Variants in DNAH7 observed in about 807,000 individuals in gnomAD.
DNAH7 encodes the protein axonemal beta dynein heavy chain 7.
In DNAH7, 397 loss-of-function variants were observed where a neutral mutation model predicts 444.6. The ratio of observed to expected loss-of-function variants is 0.89; its 90% confidence interval spans 0.82 to 0.97. DNAH7 has a LOEUF of 0.97. DNAH7 is among the 50% of genes least tolerant of loss of function. DNAH7 has a pLI of 0.00. For missense variants in DNAH7, 4,902 were observed against 4,800.8 expected (o/e 1.02, Z -0.62); for synonymous variants, 1,636 against 1,624.4 (o/e 1.01, Z -0.17).
chr2:195,853,675 C>G, intron 45 of DNAH7, 147 bp from the exon 46 acceptor site: 1 of 735,324 alleles, frequency 1.4e-6, no homozygotes, highest in East Asian at 2.8e-5. Flanking sequence ...TAGGAAAGTC[C>G]ATGATATTTT....
At chr2:195,860,738 T>C (rs1320282988) in intron 42 of DNAH7, among the ~76,000 whole-genome samples, 1 of 152,192 alleles carries the variant, frequency 6.6e-6, no homozygotes, top group Non-Finnish European at 1.5e-5. Context: ...CTCATAGTAT[T>C]AATATTTTTA....
At chr2:195,980,974 A>G (rs1464269676) in intron 15 of DNAH7, among the ~76,000 whole-genome samples, 1 of 152,196 alleles carries the variant, frequency 6.6e-6, no homozygotes, top group Non-Finnish European at 1.5e-5. Flanking sequence ...GTGATTCAAC[A>G]TAGTACTAGA....
rs1424553286 is a variant in DNAH7, at chr2:195,934,588, T to C, written c.3471+3A>G. 2 of 1,613,832 alleles carry C rather than the reference T, an allele frequency of 1.2e-6. No individual in the cohort carries two copies. Among genetic ancestry groups the C allele is most frequent in the African/African-American group, 1.3e-5 (1 of 75,050 alleles). ...TCTAAAAATCATCAGTATAATCAGC[T>C]ACCTTGTGGATGGAGTTAATCATAA... On this transcript the variant is annotated splice_donor_region_variant and intron_variant, in intron 21 of 64. Coordinates refer to ENST00000312428, the MANE Select transcript of DNAH7 (RefSeq NM_018897.3).
At chr2:195,897,841 C>A in intron 28 of DNAH7, 76 bp from the exon 29 acceptor site, 1 of 733,006 alleles carries the variant, frequency 1.4e-6, no homozygotes, top group South Asian at 1.9e-5. Flanking sequence ...TTCGCATACA[C>A]ACAAACCTAC....
intron 56 of DNAH7, among the ~76,000 whole-genome samples, chr2:195,795,538 A>C (rs191130683): frequency 1.0e-3 from 159 of 152,344 alleles, no homozygotes; most frequent in African/African-American, 3.8e-3. Context: ...CACCAATAAA[A>C]GTGAAAGAAG....
intron 49 of DNAH7, among the ~76,000 whole-genome samples, chr2:195,820,463 T>TA (rs74404564): frequency 0.018 from 2,490 of 136,868 alleles, 63 homozygotes; most frequent in African/African-American, 0.059. Context: ...AAAGTAAAAT[T>TA]AAAAAAAAAA....
At chr2:195,949,195 A>T (rs966779534) in intron 19 of DNAH7, among the ~76,000 whole-genome samples, 1 of 152,208 alleles carries the variant, frequency 6.6e-6, no homozygotes, top group African/African-American at 2.4e-5. Context: ...TTGGGCTGAG[A>T]CAATGGAGTT....
At chr2:195,841,031 A>C (rs959690795) in intron 47 of DNAH7, among the ~76,000 whole-genome samples, 1 of 151,864 alleles carries the variant, frequency 6.6e-6, no homozygotes, top group African/African-American at 2.4e-5. Flanking sequence ...TTGAGACTTA[A>C]TATGCTTCAA....
Position 195,881,901 on chromosome 2 carries a change from G to A in DNAH7, c.5855C>T (p.Thr1952Ile). The A allele has an allele frequency of 6.2e-7, 1 of 1,613,842 alleles. No individual in the cohort carries two copies. Among genetic ancestry groups the A allele is most frequent in the South Asian group, 1.1e-5 (1 of 91,078 alleles). Residue 1952 changes from threonine (T) to isoleucine (I), a missense_variant, in exon 36 of 65, where the codon ACT (threonine) becomes ATT (isoleucine). Transcript: ENST00000312428. ...DVMFNEIIVP[T>I]LDTIRYSALM... ...TGCAGAGTATCGAATTGTGTCCAGA[G>A]TTGGCACAATGATTTCATTAAACAT... is the stretch of plus-strand genomic sequence containing the variant.
At position 195,911,602 on chromosome 2, in the gene DNAH7, A is replaced by G. The variant is rs116646717; in HGVS notation, c.3936-1407T>C. Among the ~76,000 whole-genome samples the G allele has an allele frequency of 1.5e-3, 233 of 152,286 alleles. 1 individual carries two copies. The highest frequency in any genetic ancestry group is 5.1e-3 in the African/African-American group (212 of 41,578). On this transcript the variant is annotated intron_variant, in intron 24 of 64. Transcript: ENST00000312428. ...ACAATAAAGAGAAATCTTAAAAACT[A>G]TAACAGAGAAAAGAAAATTACCTAC...
Position 195,845,166 on chromosome 2 carries a change from C to T in DNAH7, c.8782-1G>A. Reference sequence around the variant, plus strand: ...AAGTTGTCCACTCTTTAGTTTGATTCTTTAGAACATCCACAGAAAGATAAA... The same window carrying T: ...AAGTTGTCCACTCTTTAGTTTGATTTTTTAGAACATCCACAGAAAGATAAA... On this transcript the variant is annotated splice_acceptor_variant, in intron 46 of 64. Transcript: ENST00000312428. LOFTEE classifies it high-confidence loss of function. The T allele has an allele frequency of 6.2e-7, 1 of 1,602,288 alleles. No individual in the cohort carries two copies. The highest frequency in any genetic ancestry group is 8.5e-7 in the Non-Finnish European group (1 of 1,175,388).
At chr2:195,984,571 G>T in intron 15 of DNAH7, 61 bp downstream of exon 15, 2 of 1,413,232 alleles carry the variant, frequency 1.4e-6, no homozygotes, top group Non-Finnish European at 2.0e-6. Context: ...TTGTTACTCC[G>T]CATTATTGTG....
In DNAH7 at chr2:195,853,529, C is replaced by T; in HGVS notation, c.8596-1G>A. The T allele has an allele frequency of 6.2e-7, 1 of 1,603,992 alleles. No homozygotes were observed. Among genetic ancestry groups the T allele is most frequent in the South Asian group, 1.1e-5 (1 of 89,546 alleles). ...CTAGTTTTTTGCTGCAAAGGTCAAC[C>T]TCGAAAATAAAAGTGAGCTTTTATC... On this transcript the variant is annotated splice_acceptor_variant, in intron 45 of 64. Coordinates refer to ENST00000312428, the MANE Select transcript of DNAH7 (RefSeq NM_018897.3). LOFTEE classifies it high-confidence loss of function.
At chr2:196,068,259 C>T (rs538781246) in intron 1 of DNAH7, 1 of 195,188 alleles carries the variant, frequency 5.1e-6, no homozygotes, top group Non-Finnish European at 1.0e-5. Flanking sequence ...TGATGTTTCC[C>T]CCGCTCTGCA....
intron 63 of DNAH7, among the ~76,000 whole-genome samples, chr2:195,744,611 G>A (rs189069071): frequency 6.6e-6 from 1 of 152,134 alleles, no homozygotes. Flanking sequence ...CCCCCAGTAG[G>A]GGCAGACTGA....
intron 51 of DNAH7, among the ~76,000 whole-genome samples, chr2:195,812,857 A>C (rs1327807244): frequency 6.6e-6 from 1 of 152,222 alleles, no homozygotes; most frequent in Non-Finnish European, 1.5e-5. Flanking sequence ...TTGGCAGAAA[A>C]ACAGATCATT....
chr2:195,936,907 T>C (rs1002231082), intron 19 of DNAH7, 115 bp from the exon 20 acceptor site: 2 of 876,998 alleles, frequency 2.3e-6, no homozygotes, highest in Non-Finnish European at 1.6e-6. Flanking sequence ...ATGTAAATTT[T>C]AAGGGGAGTA....
intron 56 of DNAH7, 27 bp downstream of exon 56, chr2:195,796,549 C>G: frequency 6.2e-7 from 1 of 1,612,234 alleles, no homozygotes; most frequent in Non-Finnish European, 8.5e-7. Flanking sequence ...GGAATGCAAT[C>G]TAATAAGTAT....
chr2:196,018,972 A>C (rs952243983), intron 9 of DNAH7, among the ~76,000 whole-genome samples, 198 bp downstream of exon 9: 2 of 152,120 alleles, frequency 1.3e-5, no homozygotes, highest in Non-Finnish European at 2.9e-5. Flanking sequence ...AAATTAAAAA[A>C]TTTAAAATTT....
Sources: gnomAD v4.1 joint callset for allele counts (sites outside exome capture counted in the v4.1 genomes callset) on GRCh38, gnomAD v4.1.1 for gene constraint, MANE v1.5 for transcripts, NCBI Gene and HGNC (gene_info 2026-07-23, HGNC 2026-07-21) for gene names.